The following MYO9B variants were observed in gnomAD, a reference collection of about 807,000 sequenced individuals.
MYO9B encodes the protein unconventional myosin-IXb.
Under a neutral mutation model 229.5 loss-of-function variants are expected in MYO9B, and 71 were observed. The ratio of observed to expected loss-of-function variants is 0.31; its 90% CI spans 0.26 to 0.38. MYO9B has a LOEUF of 0.38. MYO9B is among the 10% of genes least tolerant of loss of function. The pLI is 1.00. For synonymous variants in MYO9B, 1,185 were observed against 1,235.8 expected (o/e 0.96, Z 0.86); for missense variants, 2,255 against 2,920.5 (o/e 0.77, Z 5.25).
rs758077599 is a variant in MYO9B, at chr19:17,172,490, C to G, written c.1935+13C>G. On this transcript the variant is annotated intron_variant, in intron 12 of 39. Transcript: ENST00000682292. The surrounding 1 kb of genome is among the most constrained non-coding windows in gnomAD (Gnocchi z 8.2). ...ATATCAGATCAAGGTAGGTGTCTGC[C>G]CATCACCACTGGTGGAAGCCTGAGG... The G allele has an allele frequency of 6.8e-6, 11 of 1,612,496 alleles. No individual in the cohort carries two copies. The Admixed American group carries it at 1.3e-4, about 20-fold the overall frequency.
chr19:17,080,605 C>T (rs542875862), intron 1 of MYO9B, among the ~76,000 whole-genome samples: 2 of 152,248 alleles, frequency 1.3e-5, no homozygotes, highest in South Asian at 2.1e-4. Context: ...TGGTGGCACA[C>T]GCCTGTAATC....
At position 17,182,564 on chromosome 19, in the gene MYO9B, C is replaced by T. The variant is rs538604967; in HGVS notation, c.2334-1265C>T. ...GATTACAGGTGTGCACCACCACACC[C>T]GACTAATTTTTTTCTGTTTTTAGTA... is the stretch of plus-strand genomic sequence containing the variant. On this transcript the variant is annotated intron_variant, in intron 15 of 39. Coordinates refer to ENST00000682292, the MANE Select transcript of MYO9B (RefSeq NM_004145.4). Among the ~76,000 whole-genome samples the T allele has an allele frequency of 3.3e-5, 5 of 151,986 alleles. No individual in the cohort carries two copies. In the East Asian group the frequency reaches 5.9e-4, roughly 18 times the overall value.
intron 8 of MYO9B, among the ~76,000 whole-genome samples, chr19:17,161,119 C>T (rs2072596793): frequency 6.6e-6 from 1 of 152,078 alleles, no homozygotes; most frequent in Non-Finnish European, 1.5e-5. Flanking sequence ...CTTTGATGCA[C>T]ACGGTGACAG....
chr19:17,151,008 A>G (rs1247316101), intron 3 of MYO9B, among the ~76,000 whole-genome samples: 2 of 99,828 alleles, frequency 2.0e-5, no homozygotes, highest in South Asian at 3.1e-4. Flanking sequence ...GGCCGGGCGC[A>G]GTGGCTCACG....
chr19:17,203,388 G>A, intron 30 of MYO9B, 130 bp downstream of exon 30: 1 of 626,064 alleles, frequency 1.6e-6, no homozygotes, highest in South Asian at 2.0e-5. Context: ...GCCGAGGCAG[G>A]TGGATAACGA....
At chr19:17,180,340 A>AAT (rs2072843392) in intron 14 of MYO9B, among the ~76,000 whole-genome samples, 1 of 131,394 alleles carries the variant, frequency 7.6e-6, no homozygotes. Flanking sequence ...AGATGGAAAT[A>AAT]ATTTTTTTTT....
Position 17,101,700 on chromosome 19 carries a change from A to T in MYO9B, c.-18A>T. 6.5e-7 allele frequency: 1 copy of T among 1,546,750 alleles called. No homozygotes were observed. The highest frequency in any genetic ancestry group is 8.7e-7 in the Non-Finnish European group (1 of 1,151,542). ...GCCCCGAGCCTGGGAGGCATGCTGA[A>T]GCCAGGCGGCCGGCAGGATGAGTGT... On this transcript the variant is annotated 5_prime_UTR_variant, in exon 2 of 40. In the 5' UTR this introduces an upstream ATG that the reference lacks. Transcript: ENST00000682292. The surrounding 1 kb of genome is among the most constrained non-coding windows in gnomAD (Gnocchi z 4.7).
chr19:17,080,232 CTGT>C (rs920677687), intron 1 of MYO9B, among the ~76,000 whole-genome samples: 9 of 152,210 alleles, frequency 5.9e-5, no homozygotes, highest in Non-Finnish European at 1.2e-4. Flanking sequence ...TGTTTCATGA[CTGT>C]TGTTGCTGGG....
intron 10 of MYO9B, among the ~76,000 whole-genome samples, chr19:17,163,965 C>T (rs547006986): frequency 3.3e-5 from 5 of 152,314 alleles, no homozygotes; most frequent in Middle Eastern, 3.4e-3. Flanking sequence ...CTCTTCAAGA[C>T]GCTGCTTTCA....
chr19:17,113,499 AC>A (rs2057868967), intron 2 of MYO9B, among the ~76,000 whole-genome samples: 1 of 152,160 alleles, frequency 6.6e-6, no homozygotes, highest in Non-Finnish European at 1.5e-5. Context: ...GAAAGGCTAA[AC>A]AGCGGGATGG....
intron 19 of MYO9B, among the ~76,000 whole-genome samples, chr19:17,188,688 C>G (rs1388078170): frequency 6.6e-6 from 1 of 152,022 alleles, no homozygotes; most frequent in African/African-American, 2.4e-5. Flanking sequence ...AGTGCTTGGC[C>G]CTTAAATATT....
chr19:17,113,837 C>G (rs991468306), intron 2 of MYO9B, among the ~76,000 whole-genome samples: 3 of 152,208 alleles, frequency 2.0e-5, no homozygotes, highest in African/African-American at 7.2e-5. Context: ...CGGGGCAGGG[C>G]AAACCCCAGA....
At position 17,212,302 on chromosome 19, in the gene MYO9B, A is replaced by G; in HGVS notation, c.6466A>G (p.Asn2156Asp). 1 of 1,499,884 alleles carries G rather than the reference A, an allele frequency of 6.7e-7. No individual in the cohort carries two copies. Among genetic ancestry groups the G allele is most frequent in the South Asian group, 1.3e-5 (1 of 75,800 alleles). The allele number at this position is 1,499,884 out of a possible 1,614,324, so 92.9% of individuals were successfully genotyped here. A position where few individuals can be genotyped will look rare whatever the true frequency, so the allele number is the denominator to read the frequency against. Residue 2156 changes from asparagine to aspartate, a missense_variant, in exon 40 of 40, where the codon AAT becomes GAT. Asn to Asp is a conservative substitution (Grantham distance 23, BLOSUM62 1). Transcript: ENST00000682292. The surrounding 1 kb of genome is among the most constrained non-coding windows in gnomAD (Gnocchi z 5.4). ...CCTGCCCCCCGCCTCGGGCCAGACCAATGGCTGAGAGCCACAGCTGACAAA... is the reference window on the plus strand; with the variant it reads ...CCTGCCCCCCGCCTCGGGCCAGACCGATGGCTGAGAGCCACAGCTGACAAA... Reference protein sequence around the residue: ...YCLPPASGQTNG With the variant: ...YCLPPASGQTDG
In MYO9B at chr19:17,174,663, G is replaced by A. The variant is rs866698678; in HGVS notation, c.2141-1000G>A. Among the ~76,000 whole-genome samples, 49 of 151,602 alleles carry A rather than the reference G, an allele frequency of 3.2e-4. 1 individual carries two copies. Among genetic ancestry groups the A allele is most frequent in the Middle Eastern group, 3.4e-3 (1 of 292 alleles). ...GAAAATAAATAAATAGGCCGGACACGGTGGCTCACGTCTGTAATCCCAACA... is the reference window on the plus strand; with the variant it reads ...GAAAATAAATAAATAGGCCGGACACAGTGGCTCACGTCTGTAATCCCAACA... On this transcript the variant is annotated intron_variant, in intron 13 of 39. Transcript: ENST00000682292.
rs200046214 is a variant in MYO9B at position 17,154,395 on chromosome 19, C to T, written c.1179C>T (p.Phe393=). Residue 393 remains phenylalanine, a synonymous_variant, in exon 6 of 40, where the codon TTC becomes TTT. Coordinates refer to ENST00000682292, the MANE Select transcript of MYO9B (RefSeq NM_004145.4). ...AGCAGGCCATGGAGATGGTGGGCTT[C>T]CTCCCCGCCACCAAGAAGCAGTAAG... is the stretch of plus-strand genomic sequence containing the variant. ...RLKQAMEMVG[F]LPATKKQIFA... is the part of the protein sequence containing the mutation. The T allele has an allele frequency of 2.5e-6, 4 of 1,612,220 alleles. No individual in the cohort carries two copies. The African/African-American group carries it at 5.3e-5, about 22-fold the overall frequency.
At chr19:17,180,312 G>A (rs534534932) in intron 14 of MYO9B, among the ~76,000 whole-genome samples, 13 of 148,404 alleles carry the variant, frequency 8.8e-5, no homozygotes, top group Non-Finnish European at 1.5e-4. Context: ...GAAAAGGATC[G>A]AATAAAGTGG....
intron 33 of MYO9B, 56 bp from the exon 34 acceptor site, chr19:17,206,623 A>G: frequency 6.8e-7 from 1 of 1,469,686 alleles, no homozygotes; most frequent in African/African-American, 1.4e-5. Flanking sequence ...TGGTGGGGAC[A>G]ACAGGCACCT....
intron 24 of MYO9B, among the ~76,000 whole-genome samples, chr19:17,199,485 A>G (rs1046899378): frequency 6.6e-6 from 1 of 151,954 alleles, no homozygotes; most frequent in African/African-American, 2.4e-5. Context: ...TGCTCTTTAT[A>G]AGATAATCCT....
chr19:17,202,330 C>T, intron 28 of MYO9B, 27 bp downstream of exon 28: 1 of 1,543,700 alleles, frequency 6.5e-7, no homozygotes, highest in Non-Finnish European at 8.8e-7. Context: ...GCCACGCCCA[C>T]CTGTGACATG....
Sources: gnomAD v4.1 joint callset for allele counts (sites outside exome capture counted in the v4.1 genomes callset) on GRCh38, gnomAD v4.1.1 for gene constraint, Gnocchi (gnomAD v3.1) non-coding constraint, MANE v1.5 for transcripts, NCBI Gene and HGNC (gene_info 2026-07-23, HGNC 2026-07-21) for gene names.